Variants in KALRN observed in about 807,000 individuals in gnomAD.
The protein encoded by KALRN is kalirin.
In KALRN, 70 loss-of-function variants were observed where a neutral mutation model predicts 353.7. The observed-to-expected ratio is 0.20, with a 90% CI of 0.16 to 0.24. The LOEUF (loss-of-function observed/expected upper bound fraction) is 0.24. Ranked by LOEUF, KALRN falls within the 10% of genes least tolerant of loss-of-function variation. The pLI is 1.00. For missense variants in KALRN, 2,791 were observed against 3,756.7 expected (o/e 0.74, Z 6.72); for synonymous variants, 1,391 against 1,434.8 (o/e 0.97, Z 0.69).
In KALRN at chr3:124,713,191, G is replaced by A. The variant is rs1001629406; in HGVS notation, c.8276+56G>A. The A allele has an allele frequency of 3.4e-6, 5 of 1,466,094 alleles. No individual in the cohort carries two copies. The African/African-American group carries it at 7.1e-5, about 21-fold the overall frequency. The allele number at this position is 1,466,094 out of a possible 1,614,324, so 90.8% of individuals were successfully genotyped here. A position where few individuals can be genotyped will look rare whatever the true frequency, so the allele number is the denominator to read the frequency against. ...CCTGCATCCATTTAGGTTAGCTTTT[G>A]CCCACAATTAATGGAAAAGACAGTT... On this transcript the variant is annotated intron_variant, in intron 58 of 59. Transcript: ENST00000682506.
chr3:124,463,828 G>T (rs912644246), intron 25 of KALRN, among the ~76,000 whole-genome samples: 8 of 152,120 alleles, frequency 5.3e-5, no homozygotes, highest in African/African-American at 1.9e-4. Context: ...TCATCAGATG[G>T]CATCAGTTTA....
At chr3:124,682,937 A>G (rs1480789942) in intron 51 of KALRN, among the ~76,000 whole-genome samples, 2 of 152,152 alleles carry the variant, frequency 1.3e-5, no homozygotes, top group Non-Finnish European at 2.9e-5. Context: ...CTCTAGGTCT[A>G]TGCCATCCCC....
At chr3:124,549,681 G>C (rs1237142222) in intron 33 of KALRN, among the ~76,000 whole-genome samples, 1 of 152,044 alleles carries the variant, frequency 6.6e-6, no homozygotes, top group African/African-American at 2.4e-5. Context: ...AAATGTGTAA[G>C]ATGAACAAAA....
chr3:124,144,610 C>A (rs2067076582), intron 1 of KALRN, among the ~76,000 whole-genome samples: 1 of 82,658 alleles, frequency 1.2e-5, no homozygotes, highest in African/African-American at 3.3e-5. Flanking sequence ...TTCTCCTCCT[C>A]TTCCTCATCC....
chr3:124,667,300 C>T, intron 47 of KALRN, 117 bp downstream of exon 47: 1 of 863,740 alleles, frequency 1.2e-6, no homozygotes, highest in Non-Finnish European at 1.7e-6. Flanking sequence ...TATAGGTACT[C>T]CAACTTTGTA....
intron 33 of KALRN, among the ~76,000 whole-genome samples, chr3:124,508,862 A>G (rs1429691909): frequency 6.6e-6 from 1 of 152,182 alleles, no homozygotes; most frequent in Non-Finnish European, 1.5e-5. Context: ...GTGGATGTGT[A>G]TTGATATCTA....
At chr3:124,352,830 CAG>C (rs2082977895) in intron 10 of KALRN, among the ~76,000 whole-genome samples, 1 of 152,076 alleles carries the variant, frequency 6.6e-6, no homozygotes, top group South Asian at 2.1e-4. Flanking sequence ...CACATGGACA[CAG>C]GGAGGGGAAC....
chr3:124,439,065 C>T (rs1248779013), intron 18 of KALRN, 28 bp downstream of exon 18: 12 of 1,606,840 alleles, frequency 7.5e-6, no homozygotes, highest in Non-Finnish European at 1.0e-5. Flanking sequence ...TGCAAGGGCT[C>T]AGACTCCTGG....
intron 34 of KALRN, among the ~76,000 whole-genome samples, chr3:124,617,201 G>T (rs2078710787): frequency 6.6e-6 from 1 of 152,046 alleles, no homozygotes; most frequent in African/African-American, 2.4e-5. Flanking sequence ...GGGCATGGTG[G>T]CATGAGGCTA....
At position 124,601,144 on chromosome 3, in the gene KALRN, C is replaced by T. The variant is rs184138645; in HGVS notation, c.5183-31276C>T. Among the ~76,000 whole-genome samples the T allele has an allele frequency of 2.6e-5, 4 of 152,284 alleles. No homozygotes were observed. The East Asian group carries it at 7.7e-4, about 29-fold the overall frequency. On this transcript the variant is annotated intron_variant, in intron 34 of 59. Transcript: ENST00000682506. ...TGGTGACCTAACTTTATGGCAATGT[C>T]TTCATCTGCGCACTTGGGGAAATAC...
chr3:124,679,755 G>A, intron 51 of KALRN: 1 of 568,908 alleles, frequency 1.8e-6, no homozygotes, highest in East Asian at 3.1e-5. Flanking sequence ...TTGAATGCTT[G>A]CTAAATATTT....
chr3:124,542,454 A>C (rs1166676979), intron 33 of KALRN, among the ~76,000 whole-genome samples: 1 of 152,198 alleles, frequency 6.6e-6, no homozygotes, highest in African/African-American at 2.4e-5. Flanking sequence ...AAGTCCCTCG[A>C]AGCATAAAAT....
At chr3:124,549,176 A>T (rs995098660) in intron 33 of KALRN, among the ~76,000 whole-genome samples, 10 of 137,510 alleles carry the variant, frequency 7.3e-5, no homozygotes, top group African/African-American at 3.0e-4. Flanking sequence ...CAAAACCCAG[A>T]TTATAAATCA....
In KALRN at chr3:124,349,331, G is replaced by A. The variant is rs150092543; in HGVS notation, c.1770+2066G>A. On this transcript the variant is annotated intron_variant, in intron 10 of 59. Coordinates refer to ENST00000682506, the MANE Select transcript of KALRN (RefSeq NM_001388419.1). ...CAGAGGCTGGGGGAAGGGAGGAATG[G>A]GGAGCTATTGTTTAATGCAAGCTTA... Among the ~76,000 whole-genome samples, 113 of 152,310 alleles carry A rather than the reference G, an allele frequency of 7.4e-4. 1 individual carries two copies. Among genetic ancestry groups the A allele is most frequent in the Admixed American group, 2.0e-3 (30 of 15,294 alleles).
chr3:124,502,299 G>A (rs72980560), intron 33 of KALRN, among the ~76,000 whole-genome samples: 14,315 of 152,206 alleles, frequency 0.094, 866 homozygotes, highest in African/African-American at 0.16. Flanking sequence ...CAGTGGGGAA[G>A]GAGTGAAGGC....
chr3:124,087,638 C>T (rs1469863669), intron 1 of KALRN, among the ~76,000 whole-genome samples: 1 of 152,086 alleles, frequency 6.6e-6, no homozygotes, highest in Non-Finnish European at 1.5e-5. Flanking sequence ...GTGGGGCTTA[C>T]CAGGCAGTTC....
intron 26 of KALRN, among the ~76,000 whole-genome samples, chr3:124,475,243 T>C (rs1431445248): frequency 6.6e-6 from 1 of 152,290 alleles, no homozygotes; most frequent in Non-Finnish European, 1.5e-5. Context: ...ATTGGTTACA[T>C]TTTCTTCTTT....
intron 6 of KALRN, among the ~76,000 whole-genome samples, chr3:124,308,140 A>G (rs2077886523): frequency 6.6e-6 from 1 of 152,056 alleles, no homozygotes; most frequent in Non-Finnish European, 1.5e-5. Flanking sequence ...AAGCACATAT[A>G]CACCTAACAA....
At chr3:124,229,307 G>T (rs2078910027) in intron 2 of KALRN, among the ~76,000 whole-genome samples, 1 of 152,232 alleles carries the variant, frequency 6.6e-6, no homozygotes, top group African/African-American at 2.4e-5. Flanking sequence ...AAACAATAAG[G>T]TATGCCAGAA....
Sources: gnomAD v4.1 joint callset for allele counts (sites outside exome capture counted in the v4.1 genomes callset) on GRCh38, gnomAD v4.1.1 for gene constraint, MANE v1.5 for transcripts, NCBI Gene and HGNC (gene_info 2026-07-23, HGNC 2026-07-21) for gene names.